The following SCG3 variants were observed in gnomAD, a reference collection of about 807,000 sequenced individuals.
SCG3 encodes secretogranin III.
Under a neutral mutation model 56.2 loss-of-function variants are expected in SCG3, and 38 were observed. The ratio of observed to expected loss-of-function variants is 0.68; its 90% CI spans 0.52 to 0.89. The LOEUF (loss-of-function observed/expected upper bound fraction) is 0.89, where lower values mean the gene tolerates loss of function less well. SCG3 is among the 40% of genes least tolerant of loss of function. The probability of loss-of-function intolerance (pLI) is 0.00; values close to 1 mark genes in which losing one functional copy is unlikely to be tolerated. For missense variants in SCG3, 524 were observed against 540.7 expected (o/e 0.97, Z 0.31); for synonymous variants, 176 against 184.2 (o/e 0.96, Z 0.36).
intron 4 of SCG3, among the ~76,000 whole-genome samples, chr15:51,687,163 A>C (rs997026593): frequency 2.6e-5 from 4 of 152,254 alleles, no homozygotes; most frequent in Non-Finnish European, 5.9e-5. Flanking sequence ...ATAATACATT[A>C]GCTTTCATAT....
intron 10 of SCG3, among the ~76,000 whole-genome samples, chr15:51,704,236 CATACATACATATATATATATATATAT>C (rs1027257460): frequency 0.029 from 1,566 of 54,306 alleles, 42 homozygotes; most frequent in African/African-American, 0.085. Context: ...TGTATACATA[CATACATACATATATATATATATATAT>C]ATATATATAT....
At chr15:51,707,912 T>A (rs1049702372) in intron 10 of SCG3, 3 of 152,262 alleles carry the variant, frequency 2.0e-5, no homozygotes, top group Admixed American at 2.0e-4. Context: ...CAAAACCTAA[T>A]GTCTTTAGTA....
At chr15:51,710,797 T>A (rs1165837873) in intron 10 of SCG3, among the ~76,000 whole-genome samples, 1 of 137,372 alleles carries the variant, frequency 7.3e-6, no homozygotes, top group Non-Finnish European at 1.6e-5. Context: ...GGTTTTTCCA[T>A]GTTGCCCAGG....
rs1474870070 is a variant in SCG3, at chr15:51,704,240, CATACATATATATATATAT to C, written c.1207+3000_1207+3017del. 2.4e-4 allele frequency among the ~76,000 whole-genome samples: 14 copies of C among 58,802 alleles called. 1 individual carries two copies. The highest frequency in any genetic ancestry group is 1.4e-3 in the Admixed American group (7 of 4,992). The allele number at this position is 58,802 out of a possible 152,430, so 38.6% of individuals were successfully genotyped here. On this transcript the variant is annotated intron_variant, in intron 10 of 11. Coordinates refer to ENST00000220478, the MANE Select transcript of SCG3 (RefSeq NM_013243.4). The stretch of plus-strand genomic sequence containing the variant: ...ATATATATGTGTGTATACATACATA[CATACATATATATATATAT>C]ATATATATATATATATATATAAAAT...
rs117161126 is a variant in SCG3, at chr15:51,719,779, C to G, written c.*253C>G. ...TCCTCATAGACTTATATTTTATAAT[C>G]AGAATATGTTGCTTTGAAAAAGCCT... On this transcript the variant is annotated 3_prime_UTR_variant, in exon 12 of 12. Transcript: ENST00000220478. 1,337 of 448,718 alleles carry G rather than the reference C, an allele frequency of 3.0e-3. 3 individuals are homozygous for G. The highest frequency in any genetic ancestry group is 3.3e-3 in the Non-Finnish European group (840 of 252,234). 27.8% of individuals were successfully genotyped at this position (448,718 alleles called of 1,614,324 possible).
At chr15:51,709,132 G>T (rs2055395051) in intron 10 of SCG3, among the ~76,000 whole-genome samples, 1 of 152,132 alleles carries the variant, frequency 6.6e-6, no homozygotes, top group African/African-American at 2.4e-5. Flanking sequence ...TAATCATGGC[G>T]GAAGGGGAAA....
intron 10 of SCG3, among the ~76,000 whole-genome samples, chr15:51,711,374 T>C (rs1399704857): frequency 1.3e-5 from 2 of 152,204 alleles, no homozygotes; most frequent in East Asian, 1.9e-4. Context: ...TCAGAGAAGA[T>C]AGTAGAAAAA....
intron 4 of SCG3, among the ~76,000 whole-genome samples, chr15:51,686,690 T>TGTTTGTTC (rs2055231051): frequency 1.3e-5 from 2 of 151,540 alleles, no homozygotes; most frequent in Non-Finnish European, 2.9e-5. Context: ...TATGTTTGTT[T>TGTTTGTTC]GTTTGTTTGT....
intron 4 of SCG3, 44 bp downstream of exon 4, chr15:51,683,478 A>G: frequency 1.6e-6 from 2 of 1,242,918 alleles, no homozygotes; most frequent in Admixed American, 2.1e-5. Context: ...GGAGTTTCCT[A>G]TAATGGGTTA....
chr15:51,685,093 CT>C (rs2141557783), intron 4 of SCG3, among the ~76,000 whole-genome samples: 1 of 152,290 alleles, frequency 6.6e-6, no homozygotes, highest in African/African-American at 2.4e-5. Flanking sequence ...ACATAATAAC[CT>C]AGGAGTGTTC....
intron 9 of SCG3, among the ~76,000 whole-genome samples, chr15:51,700,003 T>A (rs1221795057): frequency 6.6e-6 from 1 of 152,246 alleles, no homozygotes; most frequent in Admixed American, 6.5e-5. Flanking sequence ...AAATGGCAGA[T>A]TCTTTTTTAA....
rs1012214738 is a variant in SCG3, at chr15:51,699,021, A to G, written c.986-298A>G. Among the ~76,000 whole-genome samples, 3 of 152,314 alleles carry G rather than the reference A, an allele frequency of 2.0e-5. No individual in the cohort carries two copies. In the South Asian group the frequency reaches 6.2e-4, roughly 32 times the overall value. On this transcript the variant is annotated intron_variant, in intron 8 of 11. Transcript: ENST00000220478. ...AAGGTGTTGAATAGGTCAAACCCCA[A>G]GTATCCACTGTAATTCCCAATCCTG...
intron 10 of SCG3, among the ~76,000 whole-genome samples, chr15:51,703,218 G>T (rs916488327): frequency 2.0e-5 from 3 of 152,056 alleles, no homozygotes; most frequent in African/African-American, 7.2e-5. Context: ...GAAGAAATTG[G>T]CCCACTTAAA....
chr15:51,683,448 A>C lies in SCG3; in HGVS notation c.397+14A>C, dbSNP rs779424792. The C allele has an allele frequency of 1.3e-6, 2 of 1,560,250 alleles. No individual in the cohort carries two copies. Among genetic ancestry groups the C allele is most frequent in the South Asian group, 2.4e-5 (2 of 83,438 alleles). ...ATAAATTTCAAGGTAAATGAGAAAA[A>C]AAGAACTTTTTGTTAACGTGGAGTT... On this transcript the variant is annotated intron_variant, in intron 4 of 11. Transcript: ENST00000220478.
At chr15:51,696,403 A>G (rs902417391) in intron 8 of SCG3, among the ~76,000 whole-genome samples, 5 of 152,208 alleles carry the variant, frequency 3.3e-5, no homozygotes, top group African/African-American at 1.2e-4. Flanking sequence ...TACAGAAATT[A>G]GCTGGGTATG....
intron 11 of SCG3, among the ~76,000 whole-genome samples, chr15:51,718,199 T>TAGATAGACAGAC (rs371911245): frequency 6.7e-6 from 1 of 148,886 alleles, no homozygotes; most frequent in African/African-American, 2.5e-5. Flanking sequence ...GATAGATAGA[T>TAGATAGACAGAC]AGACAGACAG....
At chr15:51,699,019 C>T (rs2055322390) in intron 8 of SCG3, among the ~76,000 whole-genome samples, 1 of 152,186 alleles carries the variant, frequency 6.6e-6, no homozygotes, top group Non-Finnish European at 1.5e-5. Flanking sequence ...GGTCAAACCC[C>T]AAGTATCCAC....
chr15:51,686,133 T>A (rs1031049283), intron 4 of SCG3, among the ~76,000 whole-genome samples: 2 of 152,228 alleles, frequency 1.3e-5, no homozygotes, highest in South Asian at 4.1e-4. Flanking sequence ...AAGTTATGTG[T>A]TAAACCCATG....
At chr15:51,699,724 T>G (rs901662393) in intron 9 of SCG3, among the ~76,000 whole-genome samples, 1 of 152,138 alleles carries the variant, frequency 6.6e-6, no homozygotes, top group Non-Finnish European at 1.5e-5. Context: ...TTAGGTATCT[T>G]CTCTCCCTAG....
Sources: gnomAD v4.1 joint callset for allele counts (sites outside exome capture counted in the v4.1 genomes callset) on GRCh38, gnomAD v4.1.1 for gene constraint, MANE v1.5 for transcripts, NCBI Gene and HGNC (gene_info 2026-07-23, HGNC 2026-07-21) for gene names.